KIF20B: variants seen among roughly 807,000 people sequenced by gnomAD.
KIF20B encodes the protein kinesin family member 20B.
In KIF20B, 188 loss-of-function variants were observed where a neutral mutation model predicts 232.5. The ratio of observed to expected loss-of-function variants is 0.81; its 90% CI spans 0.72 to 0.91. The LOEUF is 0.91. KIF20B is among the 40% of genes least tolerant of loss of function. KIF20B has a pLI of 0.00. For missense variants in KIF20B, 2,154 were observed against 2,055.9 expected (o/e 1.05, Z -0.92); for synonymous variants, 712 against 683.0 (o/e 1.04, Z -0.66).
intron 21 of KIF20B, among the ~76,000 whole-genome samples, chr10:89,740,261 G>GTT (rs1841767608): frequency 1.7e-5 from 2 of 119,080 alleles, no homozygotes; most frequent in Non-Finnish European, 3.6e-5. Context: ...AAAGTATGTA[G>GTT]TTTTTATTTT....
chr10:89,725,213 A>G (rs555844611), intron 15 of KIF20B, 55 bp downstream of exon 15: 1 of 1,454,968 alleles, frequency 6.9e-7, no homozygotes, highest in Non-Finnish European at 9.6e-7. Flanking sequence ...ACCAGGGTTT[A>G]GTGTACCACA....
At position 89,713,457 on chromosome 10, in the gene KIF20B, G is replaced by A. The variant is rs563703654; in HGVS notation, c.676-590G>A. On this transcript the variant is annotated intron_variant, in intron 6 of 32. Coordinates refer to ENST00000371728, the MANE Select transcript of KIF20B (RefSeq NM_001284259.2). ...AAATGTTAAAAAAAAATGAGATAATGTGCTTTCATATATTGTAAATGGTTC... is the reference window on the plus strand; with the variant it reads ...AAATGTTAAAAAAAAATGAGATAATATGCTTTCATATATTGTAAATGGTTC... 1.2e-4 allele frequency among the ~76,000 whole-genome samples: 18 copies of A among 151,484 alleles called. No homozygotes were observed. In the East Asian group the frequency reaches 2.5e-3, roughly 21 times the overall value.
chr10:89,714,125 AT>A (rs1842889034), intron 7 of KIF20B, 42 bp downstream of exon 7: 5 of 1,126,616 alleles, frequency 4.4e-6, no homozygotes, highest in Admixed American at 2.7e-5. Flanking sequence ...TATCGATTAT[AT>A]GAAGTACACT....
rs1326446076 is a variant in KIF20B at position 89,728,947 on chromosome 10, GTA to G, written c.2272-179_2272-178del. Among the ~76,000 whole-genome samples the G allele has an allele frequency of 6.8e-3, 503 of 73,522 alleles. 8 individuals are homozygous for G. The highest frequency in any genetic ancestry group is 0.053 in the South Asian group (109 of 2,062). 48.2% of individuals were successfully genotyped at this position (73,522 alleles called of 152,430 possible). On this transcript the variant is annotated intron_variant, in intron 17 of 32. Coordinates refer to ENST00000371728, the MANE Select transcript of KIF20B (RefSeq NM_001284259.2). ...TGTGTGTGTGTGTGTGTGTGTGTGT[GTA>G]TGTAATTTTTTTAAAGGCAAAAATA... is the stretch of plus-strand genomic sequence containing the variant.
chr10:89,741,495 G>C (rs1841792804), intron 21 of KIF20B, among the ~76,000 whole-genome samples: 1 of 152,176 alleles, frequency 6.6e-6, no homozygotes, highest in Non-Finnish European at 1.5e-5. Flanking sequence ...CAAATGTGTA[G>C]TTTTAAAGCA....
chr10:89,709,023 CATT>C (rs1564656713), intron 2 of KIF20B, 141 bp from the exon 3 acceptor site: 4 of 629,244 alleles, frequency 6.4e-6, no homozygotes, highest in East Asian at 6.0e-5. Flanking sequence ...GTTTTTCTAA[CATT>C]ATTAAAAGCA....
chr10:89,736,490 G>A (rs1448271901), intron 19 of KIF20B, among the ~76,000 whole-genome samples: 1 of 152,088 alleles, frequency 6.6e-6, no homozygotes, highest in Non-Finnish European at 1.5e-5. Context: ...GATCTGTACT[G>A]ATTATAATGG....
At chr10:89,759,947 G>A (rs1182651475) in intron 27 of KIF20B, among the ~76,000 whole-genome samples, 1 of 152,022 alleles carries the variant, frequency 6.6e-6, no homozygotes, top group African/African-American at 2.4e-5. Context: ...TTTATAAATC[G>A]CCTAAGTAGA....
rs1212021499 is a variant in KIF20B, at chr10:89,738,235, A to T, written c.3394A>T (p.Asn1132Tyr). Residue 1132 changes from asparagine to tyrosine, a missense_variant, in exon 20 of 33, where the codon AAT becomes TAT. Transcript: ENST00000371728. ...GCTGAAAGAAGAATTGCAAGAAAAA[A>T]ATGTTACTCTTGATGTTCAAATACA... ...QQLKEELQEKNVTLDVQIQHV... is the reference protein window; with the variant it reads ...QQLKEELQEKYVTLDVQIQHV... 6.2e-7 allele frequency: 1 copy of T among 1,603,016 alleles called. No individual in the cohort carries two copies. The highest frequency in any genetic ancestry group is 1.1e-5 in the South Asian group (1 of 87,968).
chr10:89,773,940 C>T, intron 32 of KIF20B, 31 bp from the exon 33 acceptor site: 1 of 1,300,126 alleles, frequency 7.7e-7, no homozygotes, highest in Non-Finnish European at 1.1e-6. Flanking sequence ...CACTTACAAG[C>T]TTTGAAAAAC....
chr10:89,773,064 A>G (rs1454537913), intron 32 of KIF20B, among the ~76,000 whole-genome samples: 1 of 152,088 alleles, frequency 6.6e-6, no homozygotes, highest in Non-Finnish European at 1.5e-5. Flanking sequence ...ATTTCCAATA[A>G]TAGAATTGTC....
intron 9 of KIF20B, among the ~76,000 whole-genome samples, chr10:89,717,049 G>A (rs1024417415): frequency 2.0e-5 from 3 of 152,088 alleles, no homozygotes; most frequent in Admixed American, 6.5e-5. Context: ...TACAAGATCC[G>A]GATCTATAGG....
rs1041592675 is a variant in KIF20B at position 89,774,225 on chromosome 10, A to G, written c.*177A>G. 1 of 381,194 alleles carries G rather than the reference A, an allele frequency of 2.6e-6. No individual in the cohort carries two copies. Among genetic ancestry groups the G allele is most frequent in the East Asian group, 4.0e-5 (1 of 24,770 alleles). The allele number at this position is 381,194 out of a possible 1,614,324, so 23.6% of individuals were successfully genotyped here. ...GAGTCAAAATTTGTATATTTTTATAAGGCTTTTTTATAATAGCTTCTTTCA... is the reference window on the plus strand; with the variant it reads ...GAGTCAAAATTTGTATATTTTTATAGGGCTTTTTTATAATAGCTTCTTTCA... On this transcript the variant is annotated 3_prime_UTR_variant, in exon 33 of 33. Transcript: ENST00000371728.
chr10:89,744,893 G>A (rs1841878171), intron 22 of KIF20B, among the ~76,000 whole-genome samples: 1 of 152,168 alleles, frequency 6.6e-6, no homozygotes, highest in Non-Finnish European at 1.5e-5. Flanking sequence ...TGATGAGATA[G>A]TGGTGACATT....
chr10:89,760,237 G>A (rs113822289), intron 27 of KIF20B, among the ~76,000 whole-genome samples: 48 of 152,206 alleles, frequency 3.2e-4, no homozygotes, highest in African/African-American at 1.1e-3. Flanking sequence ...GCAGAGTTGC[G>A]ATGAAAGTAA....
chr10:89,723,913 C>T, intron 13 of KIF20B, 51 bp from the exon 14 acceptor site: 1 of 1,291,688 alleles, frequency 7.7e-7, no homozygotes, highest in Non-Finnish European at 1.0e-6. Flanking sequence ...CGGTATTTCT[C>T]TTGGGATATA....
intron 21 of KIF20B, among the ~76,000 whole-genome samples, 196 bp from the exon 22 acceptor site, chr10:89,743,612 T>TTA (rs1349187330): frequency 6.6e-6 from 1 of 152,208 alleles, no homozygotes; most frequent in Non-Finnish European, 1.5e-5. Flanking sequence ...TATGCATTCT[T>TTA]CATTAGAGTA....
At position 89,717,410 on chromosome 10, in the gene KIF20B, T is replaced by G. The variant is rs1036132325; in HGVS notation, c.1053-14T>G. On this transcript the variant is annotated splice_polypyrimidine_tract_variant and intron_variant, in intron 9 of 32. Coordinates refer to ENST00000371728, the MANE Select transcript of KIF20B (RefSeq NM_001284259.2). Reference sequence around the variant, plus strand: ...TTAAAAATGATAAGATAACATTTGATCTTTGTATTTCAGTCACAGCATATT... The same window carrying G: ...TTAAAAATGATAAGATAACATTTGAGCTTTGTATTTCAGTCACAGCATATT... The G allele has an allele frequency of 6.8e-7, 1 of 1,479,550 alleles. No homozygotes were observed. The allele number at this position is 1,479,550 out of a possible 1,614,324, so 91.7% of individuals were successfully genotyped here. A position where few individuals can be genotyped will look rare whatever the true frequency, so the allele number is the denominator to read the frequency against.
At chr10:89,732,852 AT>A (rs750725036) in intron 18 of KIF20B, 50 bp from the exon 19 acceptor site, 23 of 1,412,244 alleles carry the variant, frequency 1.6e-5, no homozygotes, top group Admixed American at 2.5e-5. Flanking sequence ...TGATTTGTAC[AT>A]TTTTTGTAGC....
Sources: allele counts gnomAD v4.1 joint callset (sites outside exome capture counted in the v4.1 genomes callset), GRCh38; gene constraint gnomAD v4.1.1; transcripts MANE v1.5; gene names NCBI Gene and HGNC (gene_info 2026-07-23, HGNC 2026-07-21).